Variants in KLHL14 observed in about 807,000 individuals in gnomAD.
KLHL14 encodes kelch-like protein 14.
KLHL14 carries 22 observed loss-of-function variants against 64.3 expected under a neutral mutation model. That is an observed-to-expected ratio of 0.34 (90% confidence interval 0.24 to 0.49). The LOEUF (loss-of-function observed/expected upper bound fraction) is 0.49. Ranked by LOEUF, KLHL14 falls within the 20% of genes least tolerant of loss-of-function variation. The pLI is 0.99. For missense variants in KLHL14, 661 were observed against 789.0 expected, an observed-to-expected ratio of 0.84 and a Z score of 1.94; for synonymous variants, 322 against 333.4, an observed-to-expected ratio of 0.97 and a Z score of 0.37.
chr18:32,702,742 G>GA (rs1555661693), intron 3 of KLHL14, among the ~76,000 whole-genome samples: 1 of 151,966 alleles, frequency 6.6e-6, no homozygotes. Context: ...CTCTGTAAGA[G>GA]TTTTTATGGT....
chr18:32,764,976 A>G (rs2144192782), intron 2 of KLHL14, among the ~76,000 whole-genome samples: 1 of 152,220 alleles, frequency 6.6e-6, no homozygotes, highest in African/African-American at 2.4e-5. Context: ...TCTTCAGTCA[A>G]TTAGTAGATT....
chr18:32,690,842 G>C (rs954559130), intron 4 of KLHL14, among the ~76,000 whole-genome samples: 1 of 152,156 alleles, frequency 6.6e-6, no homozygotes, highest in Non-Finnish European at 1.5e-5. Flanking sequence ...GAGATCATGA[G>C]TTATAGGAAT....
rs148573559 is a variant in KLHL14, at chr18:32,695,491, C to G, written c.1131G>C (p.Leu377Phe). The change falls in exon 4 of 9, where the codon TTG (leucine) becomes TTC (phenylalanine). Residue 377 changes from leucine (L) to phenylalanine (F), a missense_variant. Physicochemically the swap from Leu to Phe is conservative, Grantham distance 22. This residue lies in a region of KLHL14 where 330 missense variants were observed against 450.0 expected (regional missense o/e 0.73). Coordinates refer to ENST00000359358, the MANE Select transcript of KLHL14 (RefSeq NM_020805.3). ...VVEVENFLFV[L>F]GGEDQWNPNG... Reference sequence around the variant, plus strand: ...TCGGATTCCACTGGTCCTCTCCACCCAACACGAACAAGAAGTTTTCCACCT... The same window carrying G: ...TCGGATTCCACTGGTCCTCTCCACCGAACACGAACAAGAAGTTTTCCACCT... The G allele has an allele frequency of 1.9e-6, 3 of 1,612,710 alleles. No homozygotes were observed. Among genetic ancestry groups the G allele is most frequent in the Non-Finnish European group, 2.5e-6 (3 of 1,178,962 alleles).
chr18:32,677,792 C>G (rs2049818837), intron 7 of KLHL14, among the ~76,000 whole-genome samples: 1 of 152,100 alleles, frequency 6.6e-6, no homozygotes, highest in African/African-American at 2.4e-5. Flanking sequence ...AACTGAGAGA[C>G]AGAGAAAGTC....
chr18:32,742,069 G>T lies in KLHL14; in HGVS notation c.948-20C>A, dbSNP rs538344228. 6.2e-7 allele frequency: 1 copy of T among 1,610,732 alleles called. No individual in the cohort carries two copies. The highest frequency in any genetic ancestry group is 1.1e-5 in the South Asian group (1 of 90,068). On this transcript the variant is annotated intron_variant, in intron 2 of 8. Coordinates refer to ENST00000359358, the MANE Select transcript of KLHL14 (RefSeq NM_020805.3). ...CGAATTCTTCACCCAAAACAAAAGA[G>T]GAGATGAATAACCACATTACTGTAG...
rs984477375 is a variant in KLHL14 at position 32,680,881 on chromosome 18, G to T, written c.1239-282C>A. ...CCCTTGTTATCTTGTTTTATACACT[G>T]TTAAGTGTTCATTAATATTTGGGAT... On this transcript the variant is annotated intron_variant, in intron 5 of 8. Transcript: ENST00000359358. The surrounding 1 kb of genome is among the most constrained non-coding windows in gnomAD (Gnocchi z 4.8). 3.9e-5 allele frequency among the ~76,000 whole-genome samples: 6 copies of T among 152,042 alleles called. No individual in the cohort carries two copies. Among genetic ancestry groups the T allele is most frequent in the African/African-American group, 1.4e-4 (6 of 41,396 alleles).
chr18:32,699,782 C>T (rs577862982), intron 3 of KLHL14, among the ~76,000 whole-genome samples: 5 of 152,228 alleles, frequency 3.3e-5, no homozygotes, highest in African/African-American at 1.2e-4. Context: ...ATCCTTAAAG[C>T]AAGAAGACAT....
chr18:32,709,561 C>T (rs969219208), intron 3 of KLHL14, among the ~76,000 whole-genome samples: 3 of 152,102 alleles, frequency 2.0e-5, no homozygotes, highest in Admixed American at 1.3e-4. Flanking sequence ...GATCCTCCCC[C>T]CTCAGCCTTC....
intron 3 of KLHL14, among the ~76,000 whole-genome samples, chr18:32,736,441 A>G (rs2050166572): frequency 6.6e-6 from 1 of 152,156 alleles, no homozygotes; most frequent in South Asian, 2.1e-4. Context: ...CGATTGCTCC[A>G]TGCTCTGAAA....
At chr18:32,682,565 C>T (rs1364103094) in intron 5 of KLHL14, among the ~76,000 whole-genome samples, 1 of 152,104 alleles carries the variant, frequency 6.6e-6, no homozygotes, top group East Asian at 1.9e-4. Context: ...AAAGGGATTT[C>T]TGATCTTTAA....
intron 2 of KLHL14, among the ~76,000 whole-genome samples, chr18:32,762,021 T>C (rs903734837): frequency 6.6e-6 from 1 of 152,118 alleles, no homozygotes; most frequent in Non-Finnish European, 1.5e-5. Context: ...TCTCCTTATA[T>C]TCACAGAATG....
chr18:32,767,746 G>A (rs1008185003), intron 2 of KLHL14, among the ~76,000 whole-genome samples: 1 of 152,210 alleles, frequency 6.6e-6, no homozygotes, highest in Non-Finnish European at 1.5e-5. Flanking sequence ...ATACCTGTTA[G>A]ATAAAAGTGC....
chr18:32,683,705 G>A lies in KLHL14; in HGVS notation c.1239-3106C>T, dbSNP rs1335773268. Among the ~76,000 whole-genome samples, 1 of 152,136 alleles carries A rather than the reference G, an allele frequency of 6.6e-6. No individual in the cohort carries two copies. Among genetic ancestry groups the A allele is most frequent in the Non-Finnish European group, 1.5e-5 (1 of 68,026 alleles). ...AAGTTTTAAAAAGATTAATAATAAT[G>A]CGTACAAATATACTTTACACTCTGC... is the stretch of plus-strand genomic sequence containing the variant. On this transcript the variant is annotated intron_variant, in intron 5 of 8. Coordinates refer to ENST00000359358, the MANE Select transcript of KLHL14 (RefSeq NM_020805.3). This position sits in a 1 kb window ranked among gnomAD's most constrained non-coding sequence, Gnocchi z 4.2.
intron 3 of KLHL14, chr18:32,737,656 A>G (rs2050172783): frequency 6.6e-6 from 1 of 152,136 alleles, no homozygotes; most frequent in Non-Finnish European, 1.5e-5. Flanking sequence ...ATAAATAACA[A>G]CCAGACACAG....
chr18:32,689,278 G>T (rs2049895381), intron 4 of KLHL14, among the ~76,000 whole-genome samples: 1 of 152,146 alleles, frequency 6.6e-6, no homozygotes, highest in Non-Finnish European at 1.5e-5. Context: ...CATGTATGGA[G>T]AGTGTATGAA....
chr18:32,736,813 CAG>C (rs1171860033), intron 3 of KLHL14, among the ~76,000 whole-genome samples: 1 of 151,974 alleles, frequency 6.6e-6, no homozygotes, highest in Non-Finnish European at 1.5e-5. Context: ...CCCATTTTTT[CAG>C]AGTTACAGAT....
chr18:32,728,996 T>C (rs1362869641), intron 3 of KLHL14, among the ~76,000 whole-genome samples: 1 of 152,186 alleles, frequency 6.6e-6, no homozygotes. Context: ...TGTGAGAGAA[T>C]GAATTTCCAT....
At chr18:32,734,051 T>C (rs2144522796) in intron 3 of KLHL14, 1 of 649,198 alleles carries the variant, frequency 1.5e-6, no homozygotes, top group East Asian at 2.7e-5. Flanking sequence ...AGCTTGATGA[T>C]TTTGGGTAAT....
intron 3 of KLHL14, among the ~76,000 whole-genome samples, 153 bp from the exon 4 acceptor site, chr18:32,695,705 A>T (rs2049933487): frequency 6.6e-6 from 1 of 151,824 alleles, no homozygotes; most frequent in African/African-American, 2.4e-5. Context: ...ACTACTCACC[A>T]ATCCAGGGAT....
Sources: allele counts gnomAD v4.1 joint callset (sites outside exome capture counted in the v4.1 genomes callset), GRCh38; gene constraint gnomAD v4.1.1; regional missense constraint gnomAD v4.1.1; non-coding constraint Gnocchi (gnomAD v3.1); transcripts MANE v1.5; gene names NCBI Gene and HGNC (gene_info 2026-07-23, HGNC 2026-07-21).